IL16: variants seen among roughly 807,000 people sequenced by gnomAD.
IL16 encodes the protein interleukin 16, also known as pro-interleukin-16.
A neutral mutation model predicts 110.1 loss-of-function variants in IL16; 67 were observed. The observed-to-expected ratio is 0.61, with a 90% CI of 0.50 to 0.75. The LOEUF (loss-of-function observed/expected upper bound fraction) is 0.75, where lower values mean the gene tolerates loss of function less well. Ranked by LOEUF, IL16 falls within the 30% of genes least tolerant of loss-of-function variation. The pLI is 0.00. For synonymous variants in IL16, 689 were observed against 662.9 expected (o/e 1.04, Z -0.61); for missense variants, 1,545 against 1,655.0 (o/e 0.93, Z 1.15).
chr15:81,300,764 G>C (rs946710064), intron 14 of IL16, among the ~76,000 whole-genome samples: 1 of 152,160 alleles, frequency 6.6e-6, no homozygotes, highest in Non-Finnish European at 1.5e-5. Flanking sequence ...TTGCTCATGA[G>C]GGCTGACATA....
chr15:81,306,633 A>G (rs781278763), intron 18 of IL16, 88 bp downstream of exon 18: 4 of 1,524,772 alleles, frequency 2.6e-6, no homozygotes, highest in South Asian at 1.1e-5. Flanking sequence ...TTTCTGGGCT[A>G]TGTTGTTTCC....
intron 13 of IL16, 184 bp from the exon 14 acceptor site, chr15:81,299,196 A>G: frequency 1.1e-6 from 1 of 897,586 alleles, no homozygotes; most frequent in Non-Finnish European, 1.8e-6. Flanking sequence ...CTGGTCCTTC[A>G]CTCCTGCCTG....
At chr15:81,279,406 T>C (rs1899065049) in intron 7 of IL16, 152 bp from the exon 8 acceptor site, 1 of 609,458 alleles carries the variant, frequency 1.6e-6, no homozygotes, top group Non-Finnish European at 2.9e-6. Flanking sequence ...TATACAAATA[T>C]GTCATAATAT....
chr15:81,280,030 A>G (rs574483729), intron 8 of IL16, among the ~76,000 whole-genome samples: 11 of 152,350 alleles, frequency 7.2e-5, no homozygotes, highest in Non-Finnish European at 1.5e-4. Context: ...AAACACAAAA[A>G]TACCCAGAGA....
At chr15:81,273,016 C>T in intron 5 of IL16, 74 bp from the exon 6 acceptor site, 2 of 1,176,288 alleles carry the variant, frequency 1.7e-6, no homozygotes, top group Middle Eastern at 2.0e-4. Flanking sequence ...CTGAGGCAGG[C>T]CCTCAGAAGG....
intron 10 of IL16, among the ~76,000 whole-genome samples, chr15:81,290,199 G>A (rs1899645977): frequency 6.6e-6 from 1 of 152,236 alleles, no homozygotes; most frequent in Non-Finnish European, 1.5e-5. Context: ...CAAGTAGTGG[G>A]GAGAAGGTTG....
intron 2 of IL16, among the ~76,000 whole-genome samples, chr15:81,248,887 A>G (rs1255259605): frequency 6.6e-6 from 1 of 150,928 alleles, no homozygotes; most frequent in Non-Finnish European, 1.5e-5. Context: ...CACCTTGCTA[A>G]TTTTTGTATT....
chr15:81,212,196 A>C (rs1466303873), intron 1 of IL16, among the ~76,000 whole-genome samples: 2 of 151,892 alleles, frequency 1.3e-5, no homozygotes, highest in Non-Finnish European at 2.9e-5. Context: ...TGGTCTATTC[A>C]GAGTTTCAAT....
chr15:81,288,745 G>A (rs557190151), intron 10 of IL16, among the ~76,000 whole-genome samples: 25 of 152,196 alleles, frequency 1.6e-4, no homozygotes, highest in Admixed American at 4.6e-4. Flanking sequence ...TTGACTTCGC[G>A]TAATGTCCTC....
At chr15:81,231,361 TC>T (rs1896974427) in intron 2 of IL16, among the ~76,000 whole-genome samples, 1 of 146,292 alleles carries the variant, frequency 6.8e-6, no homozygotes, top group South Asian at 2.3e-4. Context: ...TCTCTCTCTC[TC>T]TCTCTCTCTC....
intron 1 of IL16, among the ~76,000 whole-genome samples, chr15:81,215,429 A>G (rs537753898): frequency 2.6e-5 from 4 of 152,252 alleles, no homozygotes; most frequent in African/African-American, 9.6e-5. Flanking sequence ...GATCCAGTAG[A>G]TGGTGTGGAA....
chr15:81,278,243 A>T (rs1020019080), intron 6 of IL16, among the ~76,000 whole-genome samples: 1 of 152,084 alleles, frequency 6.6e-6, no homozygotes, highest in Non-Finnish European at 1.5e-5. Flanking sequence ...CCTGTCCCCA[A>T]CAAGCTGCCA....
rs190518361 is a variant in IL16, at chr15:81,300,492, G to A, written c.3149+17G>A. 3.1e-4 allele frequency: 475 copies of A among 1,535,330 alleles called. 2 individuals are homozygous for A. The highest frequency in any genetic ancestry group is 1.0e-3 in the Admixed American group (59 of 57,518). ...CTCGCTCAAGTGAGTTTCTACACCC[G>A]GTGTTTCTCTTTACCTTTCTCATCT... On this transcript the variant is annotated intron_variant, in intron 14 of 18. Transcript: ENST00000683961.
chr15:81,267,927 G>A (rs1898463802), intron 4 of IL16, among the ~76,000 whole-genome samples: 1 of 152,184 alleles, frequency 6.6e-6, no homozygotes, highest in African/African-American at 2.4e-5. Flanking sequence ...CACCCTCATA[G>A]ACACACACAG....
Position 81,273,180 on chromosome 15 carries a change from G to GCAGC in IL16, c.768_771dup (p.Asp258SerfsTer9). 6.2e-7 allele frequency: 1 copy of GCAGC among 1,611,980 alleles called. No homozygotes were observed. The highest frequency in any genetic ancestry group is 1.7e-4 in the Middle Eastern group (1 of 6,050). On this transcript the variant is annotated frameshift_variant, in exon 6 of 19. Transcript: ENST00000683961. LOFTEE classifies it high-confidence loss of function. ...AACCATTTTTGCAGGGGGAGCAGCA[G>GCAGC]CAGCCGATGGAAGGCTACAGGAAGG...
chr15:81,269,388 C>T (rs1170136157), intron 4 of IL16, 150 bp from the exon 5 acceptor site: 1 of 654,558 alleles, frequency 1.5e-6, no homozygotes. Flanking sequence ...ACCCACACCC[C>T]ACTAACCACA....
At chr15:81,276,037 C>A (rs971162631) in intron 6 of IL16, among the ~76,000 whole-genome samples, 1 of 152,096 alleles carries the variant, frequency 6.6e-6, no homozygotes, top group Non-Finnish European at 1.5e-5. Flanking sequence ...GAAGTCTAGC[C>A]CCTTAGGTAA....
intron 2 of IL16, among the ~76,000 whole-genome samples, chr15:81,254,130 T>C (rs541816084): frequency 1.1e-4 from 17 of 152,304 alleles, no homozygotes; most frequent in Non-Finnish European, 1.8e-4. Flanking sequence ...GGAGCAGCTA[T>C]GGCATCTGAG....
intron 1 of IL16, among the ~76,000 whole-genome samples, chr15:81,219,731 G>A (rs1212077157): frequency 6.6e-6 from 1 of 152,192 alleles, no homozygotes; most frequent in East Asian, 1.9e-4. Context: ...TTGTCACTCT[G>A]ATGTTGGTTG....
Sources: allele counts gnomAD v4.1 joint callset (sites outside exome capture counted in the v4.1 genomes callset), GRCh38; gene constraint gnomAD v4.1.1; transcripts MANE v1.5; gene names NCBI Gene and HGNC (gene_info 2026-07-23, HGNC 2026-07-21).